SORCS3: variants seen among roughly 807,000 people sequenced by gnomAD.
SORCS3 encodes VPS10 domain-containing receptor SorCS3.
A neutral mutation model predicts 146.3 loss-of-function variants in SORCS3; 57 were observed. The ratio of observed to expected loss-of-function variants is 0.39; its 90% CI spans 0.31 to 0.49. The LOEUF (loss-of-function observed/expected upper bound fraction) is 0.49, where lower values mean the gene tolerates loss of function less well. Ranked by LOEUF, SORCS3 falls within the 20% of genes least tolerant of loss-of-function variation. The pLI, the probability that SORCS3 is intolerant of heterozygous loss-of-function variation, is 0.92. For synonymous variants in SORCS3, 653 were observed against 618.5 expected (o/e 1.06, Z -0.83); for missense variants, 1,341 against 1,575.5 (o/e 0.85, Z 2.52).
At chr10:104,667,657 T>C (rs1413659566) in intron 1 of SORCS3, among the ~76,000 whole-genome samples, 1 of 152,220 alleles carries the variant, frequency 6.6e-6, no homozygotes, top group African/African-American at 2.4e-5. Flanking sequence ...AAGTAACAAG[T>C]GAGCATTAAA....
intron 3 of SORCS3, among the ~76,000 whole-genome samples, chr10:104,926,555 G>A (rs1197816391): frequency 6.6e-6 from 1 of 152,208 alleles, no homozygotes; most frequent in Admixed American, 6.5e-5. Context: ...AAAAGGGAAA[G>A]TATCAGATCC....
rs922441023 is a variant in SORCS3, at chr10:105,208,134, G to A, written c.2262-3003G>A. 2.6e-5 allele frequency among the ~76,000 whole-genome samples: 4 copies of A among 152,122 alleles called. No homozygotes were observed. In the South Asian group the frequency reaches 8.3e-4, roughly 31 times the overall value. ...AGGTGGGCAGATCACTTGAGGTCAG[G>A]AGTTTGAGACCAGCCTGGCCAAACG... is the stretch of plus-strand genomic sequence containing the variant. On this transcript the variant is annotated intron_variant, in intron 16 of 26. Transcript: ENST00000369701.
At chr10:104,731,865 C>G (rs1157478825) in intron 1 of SORCS3, among the ~76,000 whole-genome samples, 1 of 152,186 alleles carries the variant, frequency 6.6e-6, no homozygotes, top group Non-Finnish European at 1.5e-5. Flanking sequence ...TCATTCATCT[C>G]TGGTTGTTTC....
intron 4 of SORCS3, among the ~76,000 whole-genome samples, chr10:105,042,524 G>T (rs1218821924): frequency 6.6e-6 from 1 of 152,104 alleles, no homozygotes; most frequent in African/African-American, 2.4e-5. Flanking sequence ...AAAGGGGTCA[G>T]ACTCTACATT....
chr10:105,105,212 C>T (rs961810571), intron 6 of SORCS3, among the ~76,000 whole-genome samples, 185 bp from the exon 7 acceptor site: 5 of 152,200 alleles, frequency 3.3e-5, no homozygotes, highest in Admixed American at 6.5e-5. Context: ...TTCCACTTCT[C>T]TGCCCAAATT....
At chr10:105,109,619 A>G (rs1054628496) in intron 7 of SORCS3, among the ~76,000 whole-genome samples, 3 of 152,084 alleles carry the variant, frequency 2.0e-5, no homozygotes, top group Non-Finnish European at 4.4e-5. Context: ...TGTATGTGTC[A>G]TCCTCTTTCC....
At chr10:105,017,281 C>T (rs1354696298) in intron 4 of SORCS3, among the ~76,000 whole-genome samples, 4 of 151,996 alleles carry the variant, frequency 2.6e-5, no homozygotes, top group Non-Finnish European at 5.9e-5. Context: ...AAGGCCCTGC[C>T]TTAGGGGGGC....
rs538147935 is a variant in SORCS3, at chr10:105,252,810, C to T, written c.3141C>T (p.Ala1047=). The change falls in exon 23 of 27, where the codon GCC becomes GCT. Residue 1047 remains alanine, a synonymous_variant. Coordinates refer to ENST00000369701, the MANE Select transcript of SORCS3 (RefSeq NM_014978.3). ...TCCCAGAGGACCAGATCCTCATTGCCGTGTTTCCTGGTCTCCCCACTTCAG... is the reference window on the plus strand; with the variant it reads ...TCCCAGAGGACCAGATCCTCATTGCTGTGTTTCCTGGTCTCCCCACTTCAG... ...TSVPEDQILI[A]VFPGLPTSAE... The T allele has an allele frequency of 8.7e-6, 14 of 1,614,066 alleles. No individual in the cohort carries two copies. Among genetic ancestry groups the T allele is most frequent in the South Asian group, 4.4e-5 (4 of 91,072 alleles).
At chr10:104,783,217 C>A (rs1465555359) in intron 1 of SORCS3, among the ~76,000 whole-genome samples, 1 of 152,104 alleles carries the variant, frequency 6.6e-6, no homozygotes, top group Non-Finnish European at 1.5e-5. Context: ...GTTTTGGTGT[C>A]CTCTTTCCTT....
chr10:104,917,957 T>C (rs908652261), intron 3 of SORCS3, among the ~76,000 whole-genome samples: 19 of 152,252 alleles, frequency 1.2e-4, no homozygotes, highest in Non-Finnish European at 7.3e-5. Context: ...TGCAGAAATC[T>C]CTTGGACATA....
At chr10:104,844,323 T>TTGGTCTGCTTG (rs1414471442) in intron 2 of SORCS3, among the ~76,000 whole-genome samples, 1 of 152,154 alleles carries the variant, frequency 6.6e-6, no homozygotes. Context: ...ATTCCTGTGG[T>TTGGTCTGCTTG]GTCTGCTTGG....
intron 3 of SORCS3, among the ~76,000 whole-genome samples, chr10:104,950,366 C>T (rs935789754): frequency 3.9e-5 from 6 of 152,070 alleles, no homozygotes; most frequent in Non-Finnish European, 8.8e-5. Context: ...ATGATGTGAC[C>T]GTATAATCTA....
At chr10:105,249,593 G>C (rs1306117883) in intron 22 of SORCS3, among the ~76,000 whole-genome samples, 1 of 152,162 alleles carries the variant, frequency 6.6e-6, no homozygotes, top group Non-Finnish European at 1.5e-5. Flanking sequence ...AAAGAGATGA[G>C]AATGAGGGCT....
intron 16 of SORCS3, among the ~76,000 whole-genome samples, chr10:105,202,323 C>G (rs781676700): frequency 6.6e-6 from 1 of 152,160 alleles, no homozygotes; most frequent in Non-Finnish European, 1.5e-5. Flanking sequence ...GTTCTTACCT[C>G]ATTCACTGTA....
intron 4 of SORCS3, among the ~76,000 whole-genome samples, chr10:104,998,573 G>T (rs2133669912): frequency 6.6e-6 from 1 of 152,148 alleles, no homozygotes. Context: ...CTTCTTCTTT[G>T]CTACTTTGAA....
chr10:105,194,835 A>G (rs1411749230), intron 14 of SORCS3, among the ~76,000 whole-genome samples: 1 of 152,136 alleles, frequency 6.6e-6, no homozygotes, highest in Admixed American at 6.6e-5. Flanking sequence ...GGGGCCAGCA[A>G]CATCAGCATC....
intron 2 of SORCS3, among the ~76,000 whole-genome samples, chr10:104,895,854 C>T (rs1167589961): frequency 1.3e-5 from 2 of 152,168 alleles, no homozygotes; most frequent in Non-Finnish European, 2.9e-5. Flanking sequence ...CTGTAAATTT[C>T]CCAACCATAT....
intron 1 of SORCS3, among the ~76,000 whole-genome samples, chr10:104,730,427 T>C (rs149969464): frequency 0.013 from 1,958 of 151,842 alleles, 36 homozygotes; most frequent in African/African-American, 0.04. Flanking sequence ...TTAGAGGAGG[T>C]GTTTGTGGTG....
In SORCS3 at chr10:105,198,643, G is replaced by A. The variant is rs1482727589; in HGVS notation, c.2010-1356G>A. ...AGAGAACAGAGAGAACCCAGGGAGA[G>A]GGAGTTAGGTTTGCTTTGCTCCACA... On this transcript the variant is annotated intron_variant, in intron 14 of 26. Coordinates refer to ENST00000369701, the MANE Select transcript of SORCS3 (RefSeq NM_014978.3). Among the ~76,000 whole-genome samples the A allele has an allele frequency of 3.3e-5, 5 of 152,260 alleles. No individual in the cohort carries two copies. The East Asian group carries it at 7.7e-4, about 24-fold the overall frequency.
Sources: gnomAD v4.1 joint callset for allele counts (sites outside exome capture counted in the v4.1 genomes callset) on GRCh38, gnomAD v4.1.1 for gene constraint, MANE v1.5 for transcripts, NCBI Gene and HGNC (gene_info 2026-07-23, HGNC 2026-07-21) for gene names.